TRIM9: variants seen among roughly 807,000 people sequenced by gnomAD.
TRIM9 encodes E3 ubiquitin-protein ligase TRIM9.
A neutral mutation model predicts 78.3 loss-of-function variants in TRIM9; 26 were observed. That is an observed-to-expected ratio of 0.33 (90% CI 0.24 to 0.46). The LOEUF (loss-of-function observed/expected upper bound fraction) is 0.46, where lower values mean the gene tolerates loss of function less well. TRIM9 is among the 20% of genes least tolerant of loss of function. TRIM9 has a pLI of 1.00. For synonymous variants in TRIM9, 398 were observed against 416.5 expected (o/e 0.96, Z 0.54); for missense variants, 787 against 1,036.4 (o/e 0.76, Z 3.30).
chr14:51,024,023 T>C (rs1448767208), intron 2 of TRIM9, among the ~76,000 whole-genome samples: 1 of 152,268 alleles, frequency 6.6e-6, no homozygotes, highest in Non-Finnish European at 1.5e-5. Context: ...AATGCATTAG[T>C]AATTGCTTGA....
At chr14:51,001,422 G>T (rs1292639307) in intron 5 of TRIM9, among the ~76,000 whole-genome samples, 1 of 151,870 alleles carries the variant, frequency 6.6e-6, no homozygotes, top group African/African-American at 2.4e-5. Context: ...GTAGAGACGG[G>T]GTTTCACTGT....
At chr14:50,999,190 A>G (rs945660604) in intron 6 of TRIM9, among the ~76,000 whole-genome samples, 1 of 152,186 alleles carries the variant, frequency 6.6e-6, no homozygotes, top group African/African-American at 2.4e-5. Context: ...TGAGTAGAGG[A>G]AAAAGTCAAG....
chr14:50,977,913 C>A (rs2051273154), intron 12 of TRIM9, among the ~76,000 whole-genome samples: 1 of 152,048 alleles, frequency 6.6e-6, no homozygotes. Context: ...AGTTCTTATC[C>A]CTGTCTTCTC....
intron 1 of TRIM9, among the ~76,000 whole-genome samples, chr14:51,087,524 G>A (rs1440026173): frequency 6.6e-6 from 1 of 152,176 alleles, no homozygotes; most frequent in African/African-American, 2.4e-5. Context: ...GAACACCCCA[G>A]GGGAATGATC....
chr14:51,030,741 G>A (rs370875493), intron 1 of TRIM9, among the ~76,000 whole-genome samples: 30 of 152,102 alleles, frequency 2.0e-4, no homozygotes, highest in African/African-American at 6.3e-4. Context: ...GGAGTATGGG[G>A]AGGCTCTTGG....
At chr14:50,978,749 T>G in intron 12 of TRIM9, 2 of 305,826 alleles carry the variant, frequency 6.5e-6, no homozygotes, top group Non-Finnish European at 8.7e-6. Flanking sequence ...GAAGGCAAGA[T>G]TTTTATCTGT....
chr14:51,083,590 T>C (rs1003655416), intron 1 of TRIM9, among the ~76,000 whole-genome samples: 8 of 152,180 alleles, frequency 5.3e-5, no homozygotes, highest in Admixed American at 1.3e-4. Flanking sequence ...TTCACACGTC[T>C]GTGGAGTTAA....
At chr14:51,083,707 G>A (rs556287633) in intron 1 of TRIM9, among the ~76,000 whole-genome samples, 1 of 152,256 alleles carries the variant, frequency 6.6e-6, no homozygotes, top group Admixed American at 6.5e-5. Context: ...TGAATGTGAG[G>A]GAGTTGAGAT....
chr14:51,085,498 A>T (rs2063668328), intron 1 of TRIM9, among the ~76,000 whole-genome samples: 1 of 152,242 alleles, frequency 6.6e-6, no homozygotes, highest in South Asian at 2.1e-4. Flanking sequence ...CGGTTCACAT[A>T]TTCCTTTTTA....
At chr14:50,979,111 GA>G in intron 12 of TRIM9, 16 of 1,368,572 alleles carry the variant, frequency 1.2e-5, no homozygotes, top group Non-Finnish European at 1.4e-5. Context: ...GGTGAAACTA[GA>G]GCTACAGAGA....
In TRIM9 at chr14:51,094,502, G is replaced by A; in HGVS notation, c.438C>T (p.Pro146=). ...ILDDRGLRGF[P]KNRVLEGVID... is the part of the protein sequence containing the mutation. ...TTACCCCTTCCAGTACGCGATTCTT[G>A]GGGAAGCCGCGGAGCCCCCGGTCAT... The change falls in exon 1 of 13, where the codon CCC becomes CCT. Residue 146 remains proline, a synonymous_variant. Coordinates refer to ENST00000684578, the MANE Select transcript of TRIM9 (RefSeq NM_001387360.1). 3.7e-6 allele frequency: 6 copies of A among 1,613,666 alleles called. No homozygotes were observed. The highest frequency in any genetic ancestry group is 5.1e-6 in the Non-Finnish European group (6 of 1,179,932).
chr14:50,982,828 C>A, intron 10 of TRIM9, 114 bp downstream of exon 10: 1 of 997,812 alleles, frequency 1.0e-6, no homozygotes. Context: ...GTTCTAAATG[C>A]CACCTATAAA....
chr14:51,034,302 C>T (rs1160367301), intron 1 of TRIM9, among the ~76,000 whole-genome samples: 1 of 152,090 alleles, frequency 6.6e-6, no homozygotes, highest in East Asian at 1.9e-4. Context: ...ACAAATAAAC[C>T]CAATGAGAAT....
At chr14:51,019,384 G>A (rs2057529518) in intron 3 of TRIM9, among the ~76,000 whole-genome samples, 1 of 152,220 alleles carries the variant, frequency 6.6e-6, no homozygotes. Context: ...AAACCACAGA[G>A]TAGTATTAAC....
At chr14:50,991,581 T>C (rs764290456) in intron 7 of TRIM9, among the ~76,000 whole-genome samples, 11 of 152,198 alleles carry the variant, frequency 7.2e-5, no homozygotes, top group Non-Finnish European at 1.6e-4. Flanking sequence ...TATATGATCC[T>C]TTATCAATCA....
At chr14:51,012,359 C>G (rs1177101115) in intron 3 of TRIM9, among the ~76,000 whole-genome samples, 1 of 152,204 alleles carries the variant, frequency 6.6e-6, no homozygotes, top group Non-Finnish European at 1.5e-5. Flanking sequence ...GCTTATTTCA[C>G]TTAGCATAAT....
chr14:51,055,892 A>C (rs2060860666), intron 1 of TRIM9, among the ~76,000 whole-genome samples: 1 of 152,268 alleles, frequency 6.6e-6, no homozygotes. Flanking sequence ...TTTATGTTTT[A>C]CTAGATATAT....
At chr14:51,036,641 A>T (rs892563360) in intron 1 of TRIM9, among the ~76,000 whole-genome samples, 2 of 152,202 alleles carry the variant, frequency 1.3e-5, no homozygotes, top group Non-Finnish European at 2.9e-5. Context: ...ACAAGGAAAA[A>T]AGTCTTGACA....
At position 51,016,460 on chromosome 14, in the gene TRIM9, C is replaced by A. The variant is rs531793082; in HGVS notation, c.1042-5966G>T. ...GGAACAGTTTCATCCCAGAACCATT[C>A]CCCCCCACCCCCTACCCCCCTGCAG... On this transcript the variant is annotated intron_variant, in intron 3 of 12. Coordinates refer to ENST00000684578, the MANE Select transcript of TRIM9 (RefSeq NM_001387360.1). Among the ~76,000 whole-genome samples the A allele has an allele frequency of 5.2e-5, 7 of 134,748 alleles. 1 individual carries two copies. The highest frequency in any genetic ancestry group is 1.9e-4 in the African/African-American group (7 of 37,286). 88.4% of individuals were successfully genotyped at this position (134,748 alleles called of 152,430 possible). A position where few individuals can be genotyped will look rare whatever the true frequency, so the allele number is the denominator to read the frequency against.
Sources: allele counts gnomAD v4.1 joint callset (sites outside exome capture counted in the v4.1 genomes callset), GRCh38; gene constraint gnomAD v4.1.1; transcripts MANE v1.5; gene names NCBI Gene and HGNC (gene_info 2026-07-23, HGNC 2026-07-21).